Variants in GLI2 observed in about 807,000 individuals in gnomAD.
GLI2 encodes GLI family zinc finger 2.
GLI2 carries 22 observed loss-of-function variants against 78.9 expected under a neutral mutation model. That is an observed-to-expected ratio of 0.28 (90% CI 0.20 to 0.40). The LOEUF is 0.40. Among genes scored for constraint, GLI2 ranks in the 10% least tolerant of loss-of-function variants. The pLI is 1.00. For synonymous variants in GLI2, 974 were observed against 963.7 expected (o/e 1.01, Z -0.20); for missense variants, 2,097 against 2,213.2 (o/e 0.95, Z 1.05).
At chr2:120,987,177 T>C (rs566203292) in intron 13 of GLI2, among the ~76,000 whole-genome samples, 9 of 152,334 alleles carry the variant, frequency 5.9e-5, no homozygotes, top group Admixed American at 4.6e-4. Flanking sequence ...GGCCAGGCTC[T>C]GAGATGGAAG....
intron 1 of GLI2, among the ~76,000 whole-genome samples, chr2:120,791,557 C>T (rs1281512534): frequency 6.6e-6 from 1 of 152,202 alleles, no homozygotes; most frequent in East Asian, 1.9e-4. Flanking sequence ...CACTTTTTAT[C>T]TCATTGGATC....
At position 120,934,550 on chromosome 2, in the gene GLI2, G is replaced by A. The variant is rs183581665; in HGVS notation, c.254+7084G>A. ...GAGGAGTGACGAGGGGGCTCTTGCT[G>A]GCACAGATGGCTCAGGGTTGTAGCT... On this transcript the variant is annotated intron_variant, in intron 3 of 13. Coordinates refer to ENST00000361492, the MANE Select transcript of GLI2 (RefSeq NM_001374353.1). Among the ~76,000 whole-genome samples, 76 of 152,314 alleles carry A rather than the reference G, an allele frequency of 5.0e-4. 2 individuals are homozygous for A. In the East Asian group the frequency reaches 8.1e-3, roughly 16 times the overall value.
chr2:120,848,638 T>C (rs1434576849), intron 2 of GLI2, among the ~76,000 whole-genome samples: 1 of 152,214 alleles, frequency 6.6e-6, no homozygotes, highest in East Asian at 1.9e-4. Flanking sequence ...CACCTTTGCC[T>C]TTCCTGCTAA....
intron 2 of GLI2, among the ~76,000 whole-genome samples, chr2:120,864,423 T>C (rs1400346034): frequency 6.6e-6 from 1 of 152,002 alleles, no homozygotes; most frequent in African/African-American, 2.4e-5. Context: ...TGGCTGAAGG[T>C]AGGGGTCGAA....
At chr2:120,739,087 T>C (rs1682451922) in intron 1 of GLI2, among the ~76,000 whole-genome samples, 2 of 152,192 alleles carry the variant, frequency 1.3e-5, no homozygotes, top group Admixed American at 6.5e-5. Context: ...TCTTGGGGGC[T>C]GTGTACTGTA....
At chr2:120,739,695 C>CG (rs1426555082) in intron 1 of GLI2, among the ~76,000 whole-genome samples, 3 of 152,164 alleles carry the variant, frequency 2.0e-5, no homozygotes, top group African/African-American at 7.2e-5. Flanking sequence ...AAAAGGAACC[C>CG]GGGGGAGCAC....
chr2:120,925,055 G>A (rs1004107778), intron 2 of GLI2, among the ~76,000 whole-genome samples: 3 of 152,202 alleles, frequency 2.0e-5, no homozygotes, highest in Non-Finnish European at 2.9e-5. Flanking sequence ...AGGGTTCCCA[G>A]CCTCCGGAGC....
At chr2:120,886,577 T>G (rs1157801053) in intron 2 of GLI2, among the ~76,000 whole-genome samples, 1 of 152,144 alleles carries the variant, frequency 6.6e-6, no homozygotes, top group Non-Finnish European at 1.5e-5. Flanking sequence ...CCAAAGTGTT[T>G]ATGAAAGGGA....
At chr2:120,771,024 G>C (rs1202447918) in intron 1 of GLI2, among the ~76,000 whole-genome samples, 1 of 152,228 alleles carries the variant, frequency 6.6e-6, no homozygotes, top group Non-Finnish European at 1.5e-5. Flanking sequence ...ATTTTGTCTG[G>C]CTGCCTGTGG....
At chr2:120,913,508 C>A (rs139202053) in intron 2 of GLI2, among the ~76,000 whole-genome samples, 1 of 152,120 alleles carries the variant, frequency 6.6e-6, no homozygotes, top group East Asian at 1.9e-4. Context: ...ACATATGTGG[C>A]CCACATTGTA....
chr2:120,861,264 C>T (rs1396451068), intron 2 of GLI2, among the ~76,000 whole-genome samples: 1 of 152,202 alleles, frequency 6.6e-6, no homozygotes, highest in African/African-American at 2.4e-5. Context: ...TACCAGACTC[C>T]AGCCCTGCCT....
At chr2:120,969,366 C>T (rs1682024464) in intron 6 of GLI2, among the ~76,000 whole-genome samples, 1 of 152,222 alleles carries the variant, frequency 6.6e-6, no homozygotes, top group Non-Finnish European at 1.5e-5. Flanking sequence ...ACCCTTCTCC[C>T]TTCTGTGCGG....
chr2:120,757,967 C>T (rs745829071), intron 1 of GLI2, among the ~76,000 whole-genome samples: 2 of 152,182 alleles, frequency 1.3e-5, no homozygotes, highest in Non-Finnish European at 2.9e-5. Context: ...CCATCTTGGC[C>T]GAAGCAGAGA....
At chr2:120,939,837 T>C (rs1415013080) in intron 3 of GLI2, among the ~76,000 whole-genome samples, 1 of 152,228 alleles carries the variant, frequency 6.6e-6, no homozygotes, top group African/African-American at 2.4e-5. Context: ...CTCCTAGACA[T>C]TGCCAGACTT....
At chr2:120,769,521 A>T (rs541338484) in intron 1 of GLI2, among the ~76,000 whole-genome samples, 9 of 152,208 alleles carry the variant, frequency 5.9e-5, no homozygotes, top group African/African-American at 2.2e-4. Context: ...GCTACTGGGG[A>T]GTTGTCCATG....
chr2:120,876,934 A>T (rs1045550167), intron 2 of GLI2, among the ~76,000 whole-genome samples: 1 of 152,190 alleles, frequency 6.6e-6, no homozygotes, highest in African/African-American at 2.4e-5. Flanking sequence ...TTTACTTAAG[A>T]CGTGCCCCCA....
chr2:120,926,706 A>T (rs753621720), intron 2 of GLI2, among the ~76,000 whole-genome samples: 6 of 152,250 alleles, frequency 3.9e-5, no homozygotes, highest in Non-Finnish European at 5.9e-5. Context: ...AGGCTGACTC[A>T]GCTCTGGAAA....
intron 1 of GLI2, among the ~76,000 whole-genome samples, chr2:120,770,532 T>A (rs1683491948): frequency 6.6e-6 from 1 of 152,124 alleles, no homozygotes; most frequent in Admixed American, 6.5e-5. Flanking sequence ...GTGCTCTGTA[T>A]TTGGGATTTG....
intron 1 of GLI2, among the ~76,000 whole-genome samples, chr2:120,750,211 A>C (rs1682822647): frequency 6.6e-6 from 1 of 152,188 alleles, no homozygotes; most frequent in Non-Finnish European, 1.5e-5. Context: ...CTGAGTCCCC[A>C]GCTCTCTGAG....
Sources: allele counts gnomAD v4.1 joint callset (sites outside exome capture counted in the v4.1 genomes callset), GRCh38; gene constraint gnomAD v4.1.1; transcripts MANE v1.5; gene names NCBI Gene and HGNC (gene_info 2026-07-23, HGNC 2026-07-21).